Variants in PCDH15 observed in about 807,000 individuals in gnomAD.
PCDH15 encodes the protein protocadherin related 15.
PCDH15 carries 129 observed loss-of-function variants against 178.5 expected under a neutral mutation model. That is an observed-to-expected ratio of 0.72 (90% confidence interval 0.63 to 0.84). PCDH15 has a LOEUF of 0.84. Among genes scored for constraint, PCDH15 ranks in the 40% least tolerant of loss-of-function variants. The pLI is 0.00. For missense variants in PCDH15, 2,230 were observed against 2,099.9 expected (o/e 1.06, Z -1.21); for synonymous variants, 800 against 732.0 (o/e 1.09, Z -1.50).
At chr10:54,623,121 C>G (rs1039737943) in intron 2 of PCDH15, among the ~76,000 whole-genome samples, 11 of 151,990 alleles carry the variant, frequency 7.2e-5, no homozygotes, top group Non-Finnish European at 1.5e-4. Flanking sequence ...TTCCATTTGT[C>G]TATTCAAGGT....
intron 1 of PCDH15, among the ~76,000 whole-genome samples, chr10:55,286,506 T>C (rs2132263237): frequency 1.3e-5 from 2 of 152,000 alleles, no homozygotes; most frequent in Middle Eastern, 6.8e-3. Flanking sequence ...TGAGGGTTTT[T>C]TTTTTTTGGT....
intron 2 of PCDH15, among the ~76,000 whole-genome samples, chr10:54,575,660 T>C (rs112686956): frequency 0.28 from 16,247 of 59,076 alleles, 1,008 homozygotes; most frequent in Middle Eastern, 0.39. Flanking sequence ...GGTAGATATA[T>C]TGAAAATTCC....
intron 28 of PCDH15, 132 bp from the exon 29 acceptor site, chr10:53,840,628 A>G: frequency 2.4e-6 from 2 of 830,846 alleles, no homozygotes; most frequent in Non-Finnish European, 3.9e-6. Context: ...TGTTTACTGA[A>G]TATAAACCCT....
At chr10:55,345,341 A>C (rs1844723685) in intron 2 of PCDH15, among the ~76,000 whole-genome samples, 2 of 152,004 alleles carry the variant, frequency 1.3e-5, no homozygotes, top group African/African-American at 4.8e-5. Flanking sequence ...AAAAACAAGG[A>C]GTATATCTCA....
intron 2 of PCDH15, among the ~76,000 whole-genome samples, chr10:55,475,234 A>T (rs1156717662): frequency 2.0e-5 from 3 of 152,026 alleles, no homozygotes; most frequent in Non-Finnish European, 4.4e-5. Flanking sequence ...TCTGACCCAA[A>T]CACCTCCCTT....
chr10:54,728,027 C>A (rs1942818433), intron 1 of PCDH15, among the ~76,000 whole-genome samples: 1 of 151,464 alleles, frequency 6.6e-6, no homozygotes, highest in Non-Finnish European at 1.5e-5. Context: ...TGGTACCAAT[C>A]CTACTGAAAC....
chr10:53,981,343 A>G (rs1589747616), intron 21 of PCDH15, among the ~76,000 whole-genome samples: 1 of 152,238 alleles, frequency 6.6e-6, no homozygotes, highest in South Asian at 2.1e-4. Flanking sequence ...GTAATTGCAT[A>G]CCTGTATGAA....
intron 26 of PCDH15, among the ~76,000 whole-genome samples, chr10:53,867,930 AT>A (rs1366968267): frequency 6.6e-6 from 1 of 152,128 alleles, no homozygotes; most frequent in Non-Finnish European, 1.5e-5. Context: ...ATAGGTACTT[AT>A]GATCCACATA....
At chr10:55,334,947 C>A (rs529372698) in intron 2 of PCDH15, among the ~76,000 whole-genome samples, 1 of 152,208 alleles carries the variant, frequency 6.6e-6, no homozygotes, top group African/African-American at 2.4e-5. Flanking sequence ...AGTATTGTCA[C>A]CATTTGTCTT....
chr10:54,560,713 A>G (rs1447735953), intron 2 of PCDH15, among the ~76,000 whole-genome samples: 5 of 152,080 alleles, frequency 3.3e-5, no homozygotes, highest in Non-Finnish European at 5.9e-5. Flanking sequence ...TTTATGTTAT[A>G]AAATAAAACT....
intron 1 of PCDH15, among the ~76,000 whole-genome samples, chr10:55,171,314 C>T (rs1038604054): frequency 1.3e-5 from 2 of 152,160 alleles, no homozygotes; most frequent in Non-Finnish European, 2.9e-5. Context: ...CCAGCTTAGG[C>T]CTAAATGATG....
At chr10:54,647,275 C>T (rs368231817) in intron 2 of PCDH15, among the ~76,000 whole-genome samples, 107 of 152,074 alleles carry the variant, frequency 7.0e-4, no homozygotes, top group African/African-American at 2.3e-3. Flanking sequence ...TGATACCAAT[C>T]CTACAAAGTA....
chr10:54,774,932 T>C (rs186820806), intron 1 of PCDH15, among the ~76,000 whole-genome samples: 29 of 152,320 alleles, frequency 1.9e-4, no homozygotes, highest in Non-Finnish European at 2.9e-4. Context: ...CTTTTTTACT[T>C]TGAGGTTTAC....
chr10:54,753,273 T>C (rs914064751), intron 1 of PCDH15, among the ~76,000 whole-genome samples: 1 of 152,046 alleles, frequency 6.6e-6, no homozygotes, highest in African/African-American at 2.4e-5. Flanking sequence ...AACCTCTGCC[T>C]CCCAGGTTCA....
At chr10:54,891,577 A>G (rs1181526163) in intron 3 of PCDH15, among the ~76,000 whole-genome samples, 1 of 152,166 alleles carries the variant, frequency 6.6e-6, no homozygotes, top group Non-Finnish European at 1.5e-5. Context: ...GTAAATGCCA[A>G]AGGCAGAGTA....
intron 16 of PCDH15, among the ~76,000 whole-genome samples, chr10:54,085,204 T>C (rs578026891): frequency 1.3e-5 from 2 of 152,222 alleles, no homozygotes; most frequent in East Asian, 1.9e-4. Flanking sequence ...TTCAAACTGA[T>C]ATGAAAAATA....
At chr10:55,071,009 G>T (rs945758221) in intron 2 of PCDH15, among the ~76,000 whole-genome samples, 1 of 152,056 alleles carries the variant, frequency 6.6e-6, no homozygotes, top group African/African-American at 2.4e-5. Context: ...AGCTTCATAA[G>T]TGAAGGAGAA....
chr10:53,926,728 A>T (rs1418141520), intron 25 of PCDH15, among the ~76,000 whole-genome samples: 1 of 152,154 alleles, frequency 6.6e-6, no homozygotes, highest in Non-Finnish European at 1.5e-5. Flanking sequence ...GCTCAGAATA[A>T]ATTGCTTCAA....
In PCDH15 at chr10:54,003,863, T is replaced by A. The variant is rs191192901; in HGVS notation, c.2752-8098A>T. On this transcript the variant is annotated intron_variant, in intron 20 of 37. Coordinates refer to ENST00000644397, the MANE Select transcript of PCDH15 (RefSeq NM_001384140.1). ...AAAAAAGAAACTATAGGCAATCTCC[T>A]TGATGAATATTGATGCAAAATTCCT... 6.0e-3 allele frequency among the ~76,000 whole-genome samples: 912 copies of A among 151,938 alleles called. 6 individuals carry two copies. Among genetic ancestry groups the A allele is most frequent in the Non-Finnish European group, 9.3e-3 (630 of 67,906 alleles).
Sources: allele counts gnomAD v4.1 joint callset (sites outside exome capture counted in the v4.1 genomes callset), GRCh38; gene constraint gnomAD v4.1.1; transcripts MANE v1.5; gene names NCBI Gene and HGNC (gene_info 2026-07-23, HGNC 2026-07-21).